Variants in ZDHHC15 observed in about 807,000 individuals in gnomAD.
The protein encoded by ZDHHC15 is zDHHC palmitoyltransferase 15, also known as palmitoyltransferase ZDHHC15.
A neutral mutation model predicts 31.7 loss-of-function variants in ZDHHC15; 19 were observed. The observed-to-expected ratio is 0.60, with a 90% confidence interval of 0.42 to 0.88. The LOEUF is 0.88. ZDHHC15 is among the 40% of genes least tolerant of loss of function. The pLI, the probability that ZDHHC15 is intolerant of heterozygous loss-of-function variation, is 0.00. For synonymous variants in ZDHHC15, 103 were observed against 90.0 expected, an observed-to-expected ratio of 1.14 and a Z score of -0.82; for missense variants, 209 against 251.2, an observed-to-expected ratio of 0.83 and a Z score of 1.14.
chrX:75,469,569 C>G (rs935947567), intron 3 of ZDHHC15, among the ~76,000 whole-genome samples: 1 of 111,776 alleles, frequency 8.9e-6, no homozygotes, highest in African/African-American at 3.3e-5. Flanking sequence ...TCAGAATTTC[C>G]CTCTCTTTCC....
chrX:75,392,368 A>T (rs5981349), intron 10 of ZDHHC15, among the ~76,000 whole-genome samples: 66,034 of 110,891 alleles, frequency 0.6, 17,093 homozygotes, highest in Middle Eastern at 0.82. Flanking sequence ...GTGCCTACTC[A>T]AATTAAGGGT....
intron 11 of ZDHHC15, among the ~76,000 whole-genome samples, chrX:75,373,627 T>C (rs1219533218): frequency 9.0e-6 from 1 of 111,703 alleles, no homozygotes; most frequent in African/African-American, 3.2e-5. Flanking sequence ...ATTCACAACA[T>C]TATGATGATG....
At chrX:75,448,086 G>A (rs899714077) in intron 4 of ZDHHC15, among the ~76,000 whole-genome samples, 1 of 112,292 alleles carries the variant, frequency 8.9e-6, no homozygotes, top group African/African-American at 3.2e-5. Flanking sequence ...ACTATTAAGT[G>A]TAAATTGGAC....
intron 1 of ZDHHC15, among the ~76,000 whole-genome samples, chrX:75,516,386 A>G (rs1602775824): frequency 8.9e-6 from 1 of 112,201 alleles, no homozygotes; most frequent in East Asian, 2.8e-4. Context: ...ACCAAAAAAG[A>G]TATATAGACC....
chrX:75,407,489 G>C (rs1208875151), intron 10 of ZDHHC15, among the ~76,000 whole-genome samples: 1 of 103,483 alleles, frequency 9.7e-6, no homozygotes, highest in Non-Finnish European at 2.0e-5. Flanking sequence ...CAGCCGCCCC[G>C]TCCGGGAGGG....
chrX:75,487,481 GAGAGCACC>G (rs2147999296), intron 2 of ZDHHC15, among the ~76,000 whole-genome samples: 1 of 112,102 alleles, frequency 8.9e-6, no homozygotes, highest in Non-Finnish European at 1.9e-5. Context: ...GAGAAAGAAG[GAGAGCACC>G]ACATCAAGGG....
intron 2 of ZDHHC15, among the ~76,000 whole-genome samples, chrX:75,480,469 T>A (rs1289125772): frequency 2.7e-5 from 3 of 111,400 alleles, no homozygotes; most frequent in Admixed American, 9.6e-5. Context: ...AAAAGTAATA[T>A]ATTTATAAGT....
At chrX:75,452,014 C>A (rs1293002021) in intron 3 of ZDHHC15, among the ~76,000 whole-genome samples, 2 of 110,921 alleles carry the variant, frequency 1.8e-5, no homozygotes, top group Non-Finnish European at 3.8e-5. Context: ...ATGACAGGAT[C>A]AAATTCACAC....
chrX:75,476,769 C>A (rs1260865749), intron 3 of ZDHHC15, among the ~76,000 whole-genome samples: 3 of 104,026 alleles, frequency 2.9e-5, no homozygotes, highest in Non-Finnish European at 5.9e-5. Context: ...CTTTTCCCTT[C>A]TCTTCCCTCC....
intron 10 of ZDHHC15, among the ~76,000 whole-genome samples, chrX:75,390,371 G>T (rs2147776234): frequency 8.9e-6 from 1 of 111,846 alleles, no homozygotes; most frequent in Admixed American, 9.5e-5. Flanking sequence ...AGAGAATATA[G>T]GCAGTAGTTA....
At chrX:75,514,489 G>T in intron 1 of ZDHHC15, among the ~76,000 whole-genome samples, 1 of 111,880 alleles carries the variant, frequency 8.9e-6, no homozygotes, top group South Asian at 3.8e-4. Flanking sequence ...CAGAAGACAG[G>T]TGACTTCTGC....
chrX:75,484,162 T>C (rs1047951527), intron 2 of ZDHHC15, among the ~76,000 whole-genome samples: 4 of 111,860 alleles, frequency 3.6e-5, no homozygotes, highest in South Asian at 3.7e-4. Context: ...CCTGAAGTAA[T>C]GGAGGAACTT....
chrX:75,455,929 T>G (rs1269426834), intron 3 of ZDHHC15, among the ~76,000 whole-genome samples: 6 of 111,559 alleles, frequency 5.4e-5, no homozygotes, highest in Non-Finnish European at 9.4e-5. Flanking sequence ...TTCAACCATT[T>G]TGGAAGACAG....
chrX:75,415,023 C>T (rs1254196003), intron 10 of ZDHHC15, among the ~76,000 whole-genome samples: 1 of 109,924 alleles, frequency 9.1e-6, no homozygotes, highest in African/African-American at 3.3e-5. Flanking sequence ...ATCTGCCCGC[C>T]TCAGCCTCCC....
chrX:75,516,922 C>A lies in ZDHHC15; in HGVS notation c.136+5967G>T, dbSNP rs181879486. On this transcript the variant is annotated intron_variant, in intron 1 of 11. Coordinates refer to ENST00000373367, the MANE Select transcript of ZDHHC15 (RefSeq NM_144969.3). Reference sequence around the variant, plus strand: ...TCAAACAACTCCATCAAAAAGTGGGCAAAGGATATGAACAGACATTTCTCA... The same window carrying A: ...TCAAACAACTCCATCAAAAAGTGGGAAAAGGATATGAACAGACATTTCTCA... 4.8e-4 allele frequency among the ~76,000 whole-genome samples: 54 copies of A among 111,992 alleles called. No homozygotes were observed. The East Asian group carries it at 0.013, about 28-fold the overall frequency.
intron 4 of ZDHHC15, among the ~76,000 whole-genome samples, chrX:75,444,238 A>T (rs765279749): frequency 1.6e-3 from 181 of 110,225 alleles, no homozygotes; most frequent in Non-Finnish European, 3.1e-3. Context: ...ACAATGATAG[A>T]CTGGATTAAG....
intron 2 of ZDHHC15, among the ~76,000 whole-genome samples, chrX:75,493,096 G>A (rs1310740158): frequency 9.0e-6 from 1 of 111,570 alleles, no homozygotes; most frequent in Non-Finnish European, 1.9e-5. Flanking sequence ...AATGATAAAC[G>A]GGGTATCACC....
chrX:75,393,599 T>C (rs2083268729), intron 10 of ZDHHC15, among the ~76,000 whole-genome samples: 1 of 111,566 alleles, frequency 9.0e-6, no homozygotes, highest in Admixed American at 9.5e-5. Flanking sequence ...TCCATACTAT[T>C]AGAAGTAGAG....
chrX:75,384,533 G>A lies in ZDHHC15; in HGVS notation c.968-5335C>T, dbSNP rs990517418. 26 of 817,052 alleles carry A rather than the reference G, an allele frequency of 3.2e-5. No homozygotes were observed. The African/African-American group carries it at 4.2e-4, about 13-fold the overall frequency. 67.3% of individuals were successfully genotyped at this position (817,052 alleles called of 1,213,427 possible). ...AAGTGTTACCATGGCAAAACTGGAA[G>A]AGTCTACAATGTTACCCAGCATACT... On this transcript the variant is annotated intron_variant, in intron 10 of 11. Transcript: ENST00000373367.
Sources: allele counts gnomAD v4.1 joint callset (sites outside exome capture counted in the v4.1 genomes callset), GRCh38; gene constraint gnomAD v4.1.1; transcripts MANE v1.5; gene names NCBI Gene and HGNC (gene_info 2026-07-23, HGNC 2026-07-21).